Variants in ADAMTSL3 observed in about 807,000 individuals in gnomAD.
ADAMTSL3 encodes ADAMTS like 3.
ADAMTSL3 carries 128 observed loss-of-function variants against 201.7 expected under a neutral mutation model. The ratio of observed to expected loss-of-function variants is 0.63; its 90% confidence interval spans 0.55 to 0.73. The LOEUF (loss-of-function observed/expected upper bound fraction) is 0.73. Ranked by LOEUF, ADAMTSL3 falls within the 30% of genes least tolerant of loss-of-function variation. The pLI is 0.00. For synonymous variants in ADAMTSL3, 738 were observed against 748.4 expected (o/e 0.99, Z 0.23); for missense variants, 1,990 against 2,119.6 (o/e 0.94, Z 1.20).
intron 8 of ADAMTSL3, among the ~76,000 whole-genome samples, chr15:83,867,177 A>C (rs527829196): frequency 6.6e-6 from 1 of 152,244 alleles, no homozygotes; most frequent in African/African-American, 2.4e-5. Context: ...CACATTAACT[A>C]TAACTATCCA....
At chr15:83,959,050 A>C (rs2066908708) in intron 19 of ADAMTSL3, among the ~76,000 whole-genome samples, 1 of 152,256 alleles carries the variant, frequency 6.6e-6, no homozygotes, top group Non-Finnish European at 1.5e-5. Context: ...AAATCATAAC[A>C]GAACAAAACT....
At chr15:83,971,626 GGCCATGACA>G (rs945036165) in intron 20 of ADAMTSL3, among the ~76,000 whole-genome samples, 5 of 150,606 alleles carry the variant, frequency 3.3e-5, no homozygotes, top group South Asian at 2.1e-4. Flanking sequence ...AGCCGAGGGC[GGCCATGACA>G]GCCATGACAG....
In ADAMTSL3 at chr15:83,923,984, C is replaced by T. The variant is rs1187182501; in HGVS notation, c.2068C>T (p.Arg690Cys). Residue 690 changes from arginine to cysteine, a missense_variant, in exon 17 of 30, where the codon CGT (arginine) becomes TGT (cysteine). Arg to Cys is a radical substitution (Grantham distance 180). Coordinates refer to ENST00000286744, the MANE Select transcript of ADAMTSL3 (RefSeq NM_207517.3). Reference sequence around the variant, plus strand: ...TGACAGCTTGTGTGATATGGTCCACCGTCCTCCAGCCATGAGCCAGGCCTG... The same window carrying T: ...TGACAGCTTGTGTGATATGGTCCACTGTCCTCCAGCCATGAGCCAGGCCTG... ...VNDSLCDMVH[R>C]PPAMSQACNT... 9.9e-6 allele frequency: 16 copies of T among 1,613,978 alleles called. No homozygotes were observed. Among genetic ancestry groups the T allele is most frequent in the East Asian group, 6.7e-5 (3 of 44,876 alleles).
At chr15:83,722,760 C>G (rs1000133279) in intron 3 of ADAMTSL3, among the ~76,000 whole-genome samples, 3 of 151,902 alleles carry the variant, frequency 2.0e-5, no homozygotes, top group Admixed American at 1.3e-4. Context: ...CACATTCTTT[C>G]AAAAATGTAA....
At chr15:83,957,342 C>T (rs2066881509) in intron 19 of ADAMTSL3, among the ~76,000 whole-genome samples, 1 of 152,108 alleles carries the variant, frequency 6.6e-6, no homozygotes, top group Non-Finnish European at 1.5e-5. Context: ...TCCCTACAGT[C>T]ATTGAGAGCA....
intron 3 of ADAMTSL3, among the ~76,000 whole-genome samples, chr15:83,754,281 T>A (rs2062684263): frequency 6.6e-6 from 1 of 152,174 alleles, no homozygotes; most frequent in South Asian, 2.1e-4. Flanking sequence ...AAGTTAATAA[T>A]CTGTAGCATC....
chr15:83,905,703 G>A (rs540317561), intron 15 of ADAMTSL3, among the ~76,000 whole-genome samples: 37 of 152,256 alleles, frequency 2.4e-4, no homozygotes, highest in African/African-American at 8.7e-4. Context: ...AAACTGCAGC[G>A]AATTCCAAAT....
At chr15:83,746,094 C>T (rs375550937) in intron 3 of ADAMTSL3, among the ~76,000 whole-genome samples, 2 of 152,066 alleles carry the variant, frequency 1.3e-5, no homozygotes, top group East Asian at 1.9e-4. Flanking sequence ...GTGGGTTGGC[C>T]GTTCCTCTTA....
At chr15:83,966,474 C>G (rs2067090173) in intron 19 of ADAMTSL3, among the ~76,000 whole-genome samples, 1 of 152,034 alleles carries the variant, frequency 6.6e-6, no homozygotes, top group African/African-American at 2.4e-5. Flanking sequence ...CAAGACTAAA[C>G]CAGGAAGAAG....
rs928004019 is a variant in ADAMTSL3, at chr15:83,982,411, C to T, written c.2783C>T (p.Thr928Ile). 27 of 1,614,158 alleles carry T rather than the reference C, an allele frequency of 1.7e-5. No homozygotes were observed. Among genetic ancestry groups the T allele is most frequent in the Admixed American group, 6.7e-5 (4 of 60,022 alleles). The change falls in exon 21 of 30, where the codon ACA (threonine) becomes ATA (isoleucine). Residue 928 changes from threonine (T) to isoleucine (I), a missense_variant. By Grantham distance (89) the Thr-to-Ile change is moderately conservative. Coordinates refer to ENST00000286744, the MANE Select transcript of ADAMTSL3 (RefSeq NM_207517.3). ...AGCAGAGCCTATTTGCTGCCCAACA[C>T]ATCCGTGATTATTAAGTGCCCCGTG... ...IGSRAYLLPN[T>I]SVIIKCPVRR...
Position 84,030,176 on chromosome 15 carries a change from G to A in ADAMTSL3, c.4657-1159G>A, listed in dbSNP as rs116063208. On this transcript the variant is annotated intron_variant, in intron 27 of 29. Coordinates refer to ENST00000286744, the MANE Select transcript of ADAMTSL3 (RefSeq NM_207517.3). Reference sequence around the variant, plus strand: ...ATTGCCTAGTGGAGCTGTGAGAAGAGGACCACCATCCTTCTGACCCCAGAA... The same window carrying A: ...ATTGCCTAGTGGAGCTGTGAGAAGAAGACCACCATCCTTCTGACCCCAGAA... Among the ~76,000 whole-genome samples, 1,014 of 152,194 alleles carry A rather than the reference G, an allele frequency of 6.7e-3. 9 individuals carry two copies. The highest frequency in any genetic ancestry group is 0.022 in the African/African-American group (932 of 41,532).
chr15:83,744,032 A>G (rs1048650298), intron 3 of ADAMTSL3, among the ~76,000 whole-genome samples: 20 of 151,926 alleles, frequency 1.3e-4, no homozygotes, highest in African/African-American at 4.6e-4. Flanking sequence ...TTGTATTTTT[A>G]GTAGAGACGG....
chr15:83,979,663 C>T (rs1051250189), intron 20 of ADAMTSL3, among the ~76,000 whole-genome samples: 16 of 152,176 alleles, frequency 1.1e-4, no homozygotes, highest in African/African-American at 3.9e-4. Context: ...AGGAAATGAG[C>T]TAATTACTCA....
intron 22 of ADAMTSL3, among the ~76,000 whole-genome samples, chr15:83,989,219 T>C (rs2067540851): frequency 6.6e-6 from 1 of 152,236 alleles, no homozygotes; most frequent in Admixed American, 6.5e-5. Flanking sequence ...AGAGCAGCAG[T>C]TCTCATTAGC....
intron 2 of ADAMTSL3, among the ~76,000 whole-genome samples, chr15:83,675,223 A>G (rs765187467): frequency 1.3e-5 from 2 of 152,170 alleles, no homozygotes; most frequent in South Asian, 2.1e-4. Flanking sequence ...TGCTGCCTTG[A>G]TATCTGGTGA....
intron 23 of ADAMTSL3, among the ~76,000 whole-genome samples, chr15:84,013,054 G>A (rs1272627000): frequency 6.6e-6 from 1 of 152,118 alleles, no homozygotes; most frequent in Non-Finnish European, 1.5e-5. Context: ...TTTTCACCTT[G>A]AGTTTTCAGG....
intron 4 of ADAMTSL3, among the ~76,000 whole-genome samples, chr15:83,779,328 A>C (rs951554066): frequency 6.6e-6 from 1 of 152,172 alleles, no homozygotes. Context: ...TCATCACCAC[A>C]TGGCACTTAC....
chr15:83,926,402 G>C (rs1478399596), intron 17 of ADAMTSL3, among the ~76,000 whole-genome samples: 2 of 152,168 alleles, frequency 1.3e-5, no homozygotes, highest in Non-Finnish European at 2.9e-5. Flanking sequence ...TGGTACATCA[G>C]ATTTACATTT....
At chr15:83,698,645 A>G (rs952069384) in intron 2 of ADAMTSL3, among the ~76,000 whole-genome samples, 2 of 152,200 alleles carry the variant, frequency 1.3e-5, no homozygotes, top group Admixed American at 6.5e-5. Context: ...TCTTCCTGAC[A>G]TTTAGGAAGT....
Sources: allele counts gnomAD v4.1 joint callset (sites outside exome capture counted in the v4.1 genomes callset), GRCh38; gene constraint gnomAD v4.1.1; transcripts MANE v1.5; gene names NCBI Gene and HGNC (gene_info 2026-07-23, HGNC 2026-07-21).